Variants in DSE observed in about 807,000 individuals in gnomAD.
The protein encoded by DSE is dermatan sulfate epimerase.
A neutral mutation model predicts 84.4 loss-of-function variants in DSE; 36 were observed. The ratio of observed to expected loss-of-function variants is 0.43; its 90% CI spans 0.33 to 0.56. DSE has a LOEUF of 0.56. Ranked by LOEUF, DSE falls within the 20% of genes least tolerant of loss-of-function variation. DSE has a pLI of 0.06. For synonymous variants in DSE, 410 were observed against 430.1 expected, an observed-to-expected ratio of 0.95 and a Z score of 0.58; for missense variants, 862 against 1,169.6, an observed-to-expected ratio of 0.74 and a Z score of 3.84.
intron 2 of DSE, among the ~76,000 whole-genome samples, chr6:116,325,173 A>G (rs1776547214): frequency 6.6e-6 from 1 of 152,198 alleles, no homozygotes; most frequent in Non-Finnish European, 1.5e-5. Flanking sequence ...CCCACAAGTC[A>G]CTGGGAAAAG....
intron 2 of DSE, among the ~76,000 whole-genome samples, chr6:116,328,105 A>C (rs1776733490): frequency 6.6e-6 from 1 of 152,200 alleles, no homozygotes; most frequent in African/African-American, 2.4e-5. Flanking sequence ...GGAAGCACCA[A>C]ATGGGCATTT....
intron 2 of DSE, among the ~76,000 whole-genome samples, chr6:116,281,837 T>C (rs138956363): frequency 7.5e-4 from 115 of 152,374 alleles, no homozygotes; most frequent in African/African-American, 2.5e-3. Flanking sequence ...GTTGTCACTC[T>C]GCTCTCCTTC....
At chr6:116,359,438 G>A (rs1778761580) in intron 2 of DSE, among the ~76,000 whole-genome samples, 1 of 152,056 alleles carries the variant, frequency 6.6e-6, no homozygotes, top group Non-Finnish European at 1.5e-5. Context: ...AGTAATTGTT[G>A]TCAACCATCT....
rs1464110006 is a variant in DSE, at chr6:116,426,676, A to C, written c.519A>C (p.Gln173His). The change falls in exon 3 of 6, where the codon CAA (glutamine) becomes CAC (histidine). Residue 173 changes from glutamine (Q) to histidine (H), a missense_variant. Coordinates refer to ENST00000644252, the MANE Select transcript of DSE (RefSeq NM_013352.4). ...TGTACAACTACCTGAGCAAGACACA[A>C]CAGGAGAAGTTTCTTGAAGTGATTG... ...DFLYNYLSKT[Q>H]QEKFLEVIAN... 6.2e-7 allele frequency: 1 copy of C among 1,614,170 alleles called. No homozygotes were observed. The highest frequency in any genetic ancestry group is 8.5e-7 in the Non-Finnish European group (1 of 1,180,012).
At chr6:116,385,819 A>C (rs1780546241) in intron 1 of DSE, among the ~76,000 whole-genome samples, 1 of 152,164 alleles carries the variant, frequency 6.6e-6, no homozygotes, top group Non-Finnish European at 1.5e-5. Context: ...ACAGCAAAAA[A>C]AAAAAAAAAG....
At chr6:116,337,345 C>T (rs147725755) in intron 2 of DSE, among the ~76,000 whole-genome samples, 14 of 152,342 alleles carry the variant, frequency 9.2e-5, no homozygotes, top group Non-Finnish European at 1.8e-4. Context: ...GGCATGGTGG[C>T]TCATGCCTAT....
At chr6:116,356,080 G>A (rs1045886712) in intron 2 of DSE, among the ~76,000 whole-genome samples, 9 of 152,182 alleles carry the variant, frequency 5.9e-5, no homozygotes, top group Admixed American at 5.9e-4. Context: ...TCAGAGTGAA[G>A]AGGCTTTTAA....
intron 2 of DSE, among the ~76,000 whole-genome samples, chr6:116,291,046 A>T (rs1774251267): frequency 6.6e-6 from 1 of 152,204 alleles, no homozygotes; most frequent in Non-Finnish European, 1.5e-5. Context: ...CAAACTCTCT[A>T]AATTCAAAAC....
At chr6:116,375,723 A>G (rs956084051) in intron 1 of DSE, among the ~76,000 whole-genome samples, 12 of 152,266 alleles carry the variant, frequency 7.9e-5, no homozygotes, top group Non-Finnish European at 1.0e-4. Context: ...ATTCATATGC[A>G]TTTAGAGAAT....
intron 2 of DSE, among the ~76,000 whole-genome samples, chr6:116,321,270 C>T (rs1258303903): frequency 2.1e-3 from 1 of 474 alleles, no homozygotes; most frequent in East Asian, 0.17. Context: ...AACACCTGTG[C>T]TCAAGTGATC....
At chr6:116,385,508 G>A (rs57679449) in intron 1 of DSE, among the ~76,000 whole-genome samples, 1,695 of 151,880 alleles carry the variant, frequency 0.011, 32 homozygotes, top group African/African-American at 0.039. Context: ...GATATGGAGA[G>A]TGAAATAGGG....
At chr6:116,376,656 A>G (rs578206807) in intron 1 of DSE, among the ~76,000 whole-genome samples, 1 of 152,370 alleles carries the variant, frequency 6.6e-6, no homozygotes, top group South Asian at 2.1e-4. Context: ...TGGTAGTGTT[A>G]TCATTAAATG....
chr6:116,381,711 C>T (rs1780235094), intron 1 of DSE, among the ~76,000 whole-genome samples: 1 of 152,032 alleles, frequency 6.6e-6, no homozygotes, highest in Non-Finnish European at 1.5e-5. Flanking sequence ...AATAAAGGCA[C>T]TTTATTGTTC....
chr6:116,421,449 A>G (rs1379483014), intron 2 of DSE, among the ~76,000 whole-genome samples: 1 of 67,910 alleles, frequency 1.5e-5, no homozygotes, highest in Non-Finnish European at 2.7e-5. Flanking sequence ...ATACATATAT[A>G]TATATATATA....
chr6:116,330,315 T>C lies in DSE; in HGVS notation c.-53-68883T>C, dbSNP rs528988008. ...TTCAAAATTATTACTGAAAATACTT[T>C]TATCATACAGAGGAAGGCGTATTAA... On this transcript the variant is annotated intron_variant, in intron 2 of 3. Transcript: ENST00000430252. 7.2e-5 allele frequency among the ~76,000 whole-genome samples: 11 copies of C among 152,328 alleles called. No individual in the cohort carries two copies. The South Asian group carries it at 2.1e-3, about 29-fold the overall frequency.
At chr6:116,388,735 T>A (rs964349049) in intron 1 of DSE, among the ~76,000 whole-genome samples, 1 of 152,246 alleles carries the variant, frequency 6.6e-6, no homozygotes, top group Non-Finnish European at 1.5e-5. Context: ...TTTCTGCATT[T>A]AGGATTTTTT....
Position 116,441,317 on chromosome 6 carries a change from A to G in DSE, c.*3972A>G, listed in dbSNP as rs1404844043. 6.6e-6 allele frequency: 1 copy of G among 152,142 alleles called. No individual in the cohort carries two copies. Among genetic ancestry groups the G allele is most frequent in the African/African-American group, 2.4e-5 (1 of 41,450 alleles). 9.4% of individuals were successfully genotyped at this position (152,142 alleles called of 1,614,324 possible). On this transcript the variant is annotated 3_prime_UTR_variant, in exon 6 of 6. Coordinates refer to ENST00000644252, the MANE Select transcript of DSE (RefSeq NM_013352.4). ...CCCTCTTGGTTTTGGGATTTTTTTA[A>G]TTGAAGTTTTATTTGGCATAAATTA... is the stretch of plus-strand genomic sequence containing the variant.
chr6:116,335,022 G>C (rs1777159646), intron 2 of DSE, among the ~76,000 whole-genome samples: 1 of 152,096 alleles, frequency 6.6e-6, no homozygotes, highest in Admixed American at 6.5e-5. Flanking sequence ...CCTCATTACT[G>C]TATATATACT....
At chr6:116,433,181 AC>A (rs1380012547) in intron 4 of DSE, 161 bp from the exon 5 acceptor site, 1 of 692,200 alleles carries the variant, frequency 1.4e-6, no homozygotes. Flanking sequence ...ATTCTGACTA[AC>A]TGGTCTGGAA....
Sources: allele counts gnomAD v4.1 joint callset (sites outside exome capture counted in the v4.1 genomes callset), GRCh38; gene constraint gnomAD v4.1.1; transcripts MANE v1.5; gene names NCBI Gene and HGNC (gene_info 2026-07-23, HGNC 2026-07-21).